ST6GALNAC3: variants seen among roughly 807,000 people sequenced by gnomAD.
ST6GALNAC3 encodes ST6 N-acetylgalactosaminide alpha-2,6-sialyltransferase 3.
Under a neutral mutation model 32.7 loss-of-function variants are expected in ST6GALNAC3, and 25 were observed. The ratio of observed to expected loss-of-function variants is 0.76; its 90% CI spans 0.56 to 1.07. The LOEUF (loss-of-function observed/expected upper bound fraction) is 1.07, where lower values mean the gene tolerates loss of function less well. Among genes scored for constraint, ST6GALNAC3 ranks in the 50% least tolerant of loss-of-function variants. The probability of loss-of-function intolerance (pLI) is 0.00; values close to 1 mark genes in which losing one functional copy is unlikely to be tolerated. For missense variants in ST6GALNAC3, 355 were observed against 382.4 expected (o/e 0.93, Z 0.60); for synonymous variants, 129 against 133.1 (o/e 0.97, Z 0.21).
chr1:76,195,823 AG>A (rs2100521342), intron 1 of ST6GALNAC3, among the ~76,000 whole-genome samples: 1 of 152,362 alleles, frequency 6.6e-6, no homozygotes, highest in East Asian at 1.9e-4. Context: ...AAAGGAAGTC[AG>A]GAACAAGCAT....
At chr1:76,115,468 A>G (rs1047257594) in intron 1 of ST6GALNAC3, among the ~76,000 whole-genome samples, 3 of 152,372 alleles carry the variant, frequency 2.0e-5, no homozygotes, top group African/African-American at 4.8e-5. Flanking sequence ...AGTCATTTAC[A>G]TTTAACAGGA....
At chr1:76,158,050 A>G (rs1303817747) in intron 1 of ST6GALNAC3, among the ~76,000 whole-genome samples, 1 of 152,184 alleles carries the variant, frequency 6.6e-6, no homozygotes, top group Non-Finnish European at 1.5e-5. Flanking sequence ...CTATTTTCCA[A>G]TGAAATGGGT....
At chr1:76,399,914 A>G (rs1010051736) in intron 2 of ST6GALNAC3, among the ~76,000 whole-genome samples, 23 of 152,156 alleles carry the variant, frequency 1.5e-4, no homozygotes, top group African/African-American at 4.8e-4. Flanking sequence ...ATTTGTATCT[A>G]GCAATCCTAA....
intron 1 of ST6GALNAC3, among the ~76,000 whole-genome samples, chr1:76,087,896 A>T (rs952042094): frequency 1.3e-5 from 2 of 152,376 alleles, no homozygotes; most frequent in African/African-American, 4.8e-5. Context: ...TATTTAATTC[A>T]TACACATGAT....
chr1:76,455,659 T>G (rs1657722953), intron 3 of ST6GALNAC3, among the ~76,000 whole-genome samples: 1 of 152,084 alleles, frequency 6.6e-6, no homozygotes, highest in African/African-American at 2.4e-5. Flanking sequence ...GGAAAAAATT[T>G]TTTGCCTTCT....
At position 76,597,765 on chromosome 1, in the gene ST6GALNAC3, T is replaced by G. The variant is rs562020831; in HGVS notation, c.624-29687T>G. On this transcript the variant is annotated intron_variant, in intron 3 of 4. Transcript: ENST00000328299. The stretch of plus-strand genomic sequence containing the variant: ...TTTATAGTGATTATATGAAGAGTAA[T>G]GGGTGAAAAGCATCAAAGCTGGAAT... Among the ~76,000 whole-genome samples, 22 of 152,234 alleles carry G rather than the reference T, an allele frequency of 1.4e-4. No homozygotes were observed. The South Asian group carries it at 4.6e-3, about 32-fold the overall frequency.
chr1:76,178,981 G>A (rs1010853819), intron 1 of ST6GALNAC3, among the ~76,000 whole-genome samples: 13 of 149,870 alleles, frequency 8.7e-5, no homozygotes, highest in Non-Finnish European at 1.8e-4. Context: ...TTTGCCCCCG[G>A]AACTATTGCT....
In ST6GALNAC3 at chr1:76,630,759, G is replaced by C. The variant is rs1280640445; in HGVS notation, c.*1953G>C. ...TAAGCCCCAGTTCTATCGTTGGAAGGAGTTGTTATTCTTTTGTTGTTCCCT... is the reference window on the plus strand; with the variant it reads ...TAAGCCCCAGTTCTATCGTTGGAAGCAGTTGTTATTCTTTTGTTGTTCCCT... On this transcript the variant is annotated 3_prime_UTR_variant, in exon 5 of 5. Transcript: ENST00000328299. 5.1e-6 allele frequency: 5 copies of C among 985,480 alleles called. No individual in the cohort carries two copies. The African/African-American group carries it at 8.7e-5, about 17-fold the overall frequency. 61.0% of individuals were successfully genotyped at this position (985,480 alleles called of 1,614,324 possible).
At chr1:76,322,572 CTT>C (rs930382397) in intron 2 of ST6GALNAC3, among the ~76,000 whole-genome samples, 3 of 152,130 alleles carry the variant, frequency 2.0e-5, no homozygotes, top group African/African-American at 4.8e-5. Context: ...CAATTAAACA[CTT>C]ATATTTAATG....
intron 1 of ST6GALNAC3, among the ~76,000 whole-genome samples, chr1:76,222,671 AC>A (rs774334539): frequency 1.7e-4 from 19 of 113,892 alleles, no homozygotes; most frequent in Non-Finnish European, 3.1e-4. Flanking sequence ...TAATAAAAAA[AC>A]AAAAACAAAC....
chr1:76,281,169 G>C (rs747053968), intron 1 of ST6GALNAC3, among the ~76,000 whole-genome samples: 1 of 152,044 alleles, frequency 6.6e-6, no homozygotes, highest in Admixed American at 6.5e-5. Flanking sequence ...CTTAATTCAA[G>C]CTTTTTTCTC....
chr1:76,531,648 C>T (rs1374495590), intron 3 of ST6GALNAC3, among the ~76,000 whole-genome samples: 1 of 152,112 alleles, frequency 6.6e-6, no homozygotes, highest in Non-Finnish European at 1.5e-5. Context: ...CATTACAATA[C>T]AATTCCAGGT....
In ST6GALNAC3 at chr1:76,632,115, T is replaced by TAA. The variant is rs1649326501; in HGVS notation, c.*3310_*3311dup. The TAA allele has an allele frequency of 6.6e-6, 1 of 152,082 alleles. No homozygotes were observed. Among genetic ancestry groups the TAA allele is most frequent in the African/African-American group, 2.4e-5 (1 of 41,432 alleles). 9.4% of individuals were successfully genotyped at this position (152,082 alleles called of 1,614,324 possible). A position where few individuals can be genotyped will look rare whatever the true frequency, so the allele number is the denominator to read the frequency against. Reference sequence around the variant, plus strand: ...ATAACTATATATAAAAGCATATATATAATCCTATATTCTTCACTGGTGCAT... The same window carrying TAA: ...ATAACTATATATAAAAGCATATATATAAAATCCTATATTCTTCACTGGTGCAT... On this transcript the variant is annotated 3_prime_UTR_variant, in exon 5 of 5. Coordinates refer to ENST00000328299, the MANE Select transcript of ST6GALNAC3 (RefSeq NM_152996.4).
At chr1:76,450,483 T>C (rs564926959) in intron 3 of ST6GALNAC3, among the ~76,000 whole-genome samples, 1 of 152,308 alleles carries the variant, frequency 6.6e-6, no homozygotes, top group East Asian at 1.9e-4. Flanking sequence ...TTGTCAGATG[T>C]ATAGATTGTG....
rs562374208 is a variant in ST6GALNAC3 at position 76,274,911 on chromosome 1, C to T, written c.19-38894C>T. 3.7e-4 allele frequency among the ~76,000 whole-genome samples: 57 copies of T among 152,268 alleles called. No individual in the cohort carries two copies. The South Asian group carries it at 0.011, about 30-fold the overall frequency. ...TGTGAATTCAGACCTGGCAGAAGACCATTTCTTCACTAGAAGTTGGAAAAA... is the reference window on the plus strand; with the variant it reads ...TGTGAATTCAGACCTGGCAGAAGACTATTTCTTCACTAGAAGTTGGAAAAA... On this transcript the variant is annotated intron_variant, in intron 1 of 4. Transcript: ENST00000328299.
At chr1:76,096,633 G>A (rs1422162832) in intron 1 of ST6GALNAC3, among the ~76,000 whole-genome samples, 1 of 151,276 alleles carries the variant, frequency 6.6e-6, no homozygotes, top group Non-Finnish European at 1.5e-5. Flanking sequence ...GAAGGAAAGT[G>A]CACCAAACAA....
At chr1:76,622,423 C>T (rs906335514) in intron 3 of ST6GALNAC3, among the ~76,000 whole-genome samples, 5 of 151,868 alleles carry the variant, frequency 3.3e-5, no homozygotes, top group Admixed American at 2.6e-4. Context: ...TGAAGAAAAT[C>T]AGGGGACTGT....
intron 1 of ST6GALNAC3, among the ~76,000 whole-genome samples, chr1:76,229,672 G>A (rs1656259099): frequency 6.6e-6 from 1 of 152,158 alleles, no homozygotes; most frequent in African/African-American, 2.4e-5. Flanking sequence ...CTGTAGGTAG[G>A]TGATTCCATG....
At chr1:76,337,933 A>C (rs957016963) in intron 2 of ST6GALNAC3, among the ~76,000 whole-genome samples, 68 of 152,270 alleles carry the variant, frequency 4.5e-4, no homozygotes, top group Middle Eastern at 3.4e-3. Flanking sequence ...ATACTCAGGC[A>C]AGGCATTAAC....
Sources: allele counts gnomAD v4.1 joint callset (sites outside exome capture counted in the v4.1 genomes callset), GRCh38; gene constraint gnomAD v4.1.1; transcripts MANE v1.5; gene names NCBI Gene and HGNC (gene_info 2026-07-23, HGNC 2026-07-21).